Variants in HECTD3 observed in about 807,000 individuals in gnomAD.
HECTD3 encodes the protein E3 ubiquitin-protein ligase HECTD3.
Under a neutral mutation model 109.3 loss-of-function variants are expected in HECTD3, and 72 were observed. That is an observed-to-expected ratio of 0.66 (90% CI 0.54 to 0.80). HECTD3 has a LOEUF of 0.80. HECTD3 is among the 30% of genes least tolerant of loss of function. The pLI is 0.00. For missense variants in HECTD3, 1,041 were observed against 1,165.2 expected (o/e 0.89, Z 1.55); for synonymous variants, 481 against 471.8 (o/e 1.02, Z -0.25).
intron 2 of HECTD3, 56 bp downstream of exon 2, chr1:45,010,490 C>G: frequency 6.2e-7 from 1 of 1,604,694 alleles, no homozygotes; most frequent in South Asian, 1.1e-5. Flanking sequence ...GAAGTGTTCC[C>G]AAGCCCTCCT....
chr1:45,005,347 C>T, intron 15 of HECTD3: 1 of 198,482 alleles, frequency 5.0e-6, no homozygotes, highest in East Asian at 1.3e-4. Context: ...GTGTCCTCAA[C>T]CAGGCAGGGA....
chr1:45,004,038 CA>C (rs762016883), intron 18 of HECTD3, 21 bp downstream of exon 18: 2 of 1,613,964 alleles, frequency 1.2e-6, no homozygotes, highest in African/African-American at 2.7e-5. Context: ...ACCCAGGTGT[CA>C]CCCTGCCCTC....
In HECTD3 at chr1:45,008,296, G is replaced by C; in HGVS notation, c.1264C>G (p.Leu422Val). The change falls in exon 9 of 21, where the codon CTG (leucine) becomes GTG (valine). Residue 422 changes from leucine (L) to valine (V), a missense_variant. Physicochemically the swap from Leu to Val is conservative, Grantham distance 32. Coordinates refer to ENST00000372172, the MANE Select transcript of HECTD3 (RefSeq NM_024602.6). Reference sequence around the variant, plus strand: ...TCCCAGGCAGGTACCAGGTGGTGCAGGACACTATCGAGGATCTTGATGAAT... The same window carrying C: ...TCCCAGGCAGGTACCAGGTGGTGCACGACACTATCGAGGATCTTGATGAAT... Reference protein sequence around the residue: ...QRFIKILDSVLHHLVPAWDHT... With the variant: ...QRFIKILDSVVHHLVPAWDHT... 1 of 1,614,120 alleles carries C rather than the reference G, an allele frequency of 6.2e-7. No homozygotes were observed. Among genetic ancestry groups the C allele is most frequent in the East Asian group, 2.2e-5 (1 of 44,886 alleles).
rs1285994975 is a variant in HECTD3, at chr1:45,006,989, C to G, written c.1583G>C (p.Trp528Ser). 6.2e-7 allele frequency: 1 copy of G among 1,614,134 alleles called. No individual in the cohort carries two copies. The highest frequency in any genetic ancestry group is 1.1e-5 in the South Asian group (1 of 91,072). ...GCCTTCTGCAATAAATTTACACTCC[C>G]ACCACTGGTCATAGCGCATGGGCCA... ...YRWPMRYDQWWECKFIAEGII... is the reference protein window; with the variant it reads ...YRWPMRYDQWSECKFIAEGII... The change falls in exon 12 of 21, where the codon TGG becomes TCG. Residue 528 changes from tryptophan to serine, a missense_variant. Coordinates refer to ENST00000372172, the MANE Select transcript of HECTD3 (RefSeq NM_024602.6). The surrounding 1 kb of genome is among the most constrained non-coding windows in gnomAD (Gnocchi z 4.7).
At position 45,003,379 on chromosome 1, in the gene HECTD3, A is replaced by G. The variant is rs749677406; in HGVS notation, c.*113T>C. 1 of 884,608 alleles carries G rather than the reference A, an allele frequency of 1.1e-6. No homozygotes were observed. Among genetic ancestry groups the G allele is most frequent in the Non-Finnish European group, 1.8e-6 (1 of 548,368 alleles). 54.8% of individuals were successfully genotyped at this position (884,608 alleles called of 1,614,324 possible). On this transcript the variant is annotated 3_prime_UTR_variant, in exon 21 of 21. Transcript: ENST00000372172. This position sits in a 1 kb window ranked among gnomAD's most constrained non-coding sequence, Gnocchi z 4.7. ...CCAACTGCACACAGGAGCAGGGCAC[A>G]TGGGGTTTTGCTGAGCACGTCAGCC...
intron 8 of HECTD3, 104 bp from the exon 9 acceptor site, chr1:45,008,425 C>A: frequency 6.7e-7 from 1 of 1,497,856 alleles, no homozygotes; most frequent in Non-Finnish European, 9.3e-7. Flanking sequence ...GGGGGCTTCT[C>A]TGACCCTTGA....
At chr1:45,009,854 G>T (rs1023607369) in intron 4 of HECTD3, 132 bp downstream of exon 4, 4 of 1,217,748 alleles carry the variant, frequency 3.3e-6, no homozygotes, top group Non-Finnish European at 4.6e-6. Context: ...CGTCCAAGAT[G>T]GGGAGCTGAA....
At position 45,009,239 on chromosome 1, in the gene HECTD3, G is replaced by A. The variant is rs1644762407; in HGVS notation, c.990-13C>T. 6.2e-7 allele frequency: 1 copy of A among 1,606,934 alleles called. No homozygotes were observed. The highest frequency in any genetic ancestry group is 8.5e-7 in the Non-Finnish European group (1 of 1,173,412). On this transcript the variant is annotated splice_polypyrimidine_tract_variant and intron_variant, in intron 6 of 20. Transcript: ENST00000372172. ...CCCGATGAGGGTCCTGAGGAGATGA[G>A]TGTGAAGCACTTCAGATACCTCCTG...
Position 45,007,200 on chromosome 1 carries a change from C to G in HECTD3, c.1556+19G>C. 6.2e-7 allele frequency: 1 copy of G among 1,601,684 alleles called. No individual in the cohort carries two copies. The highest frequency in any genetic ancestry group is 1.1e-5 in the South Asian group (1 of 90,430). ...CACAAACAGGTGTCCCGAGTAAGTC[C>G]CTCACTCTCATGCCATACCTGTAGT... On this transcript the variant is annotated intron_variant, in intron 11 of 20. Transcript: ENST00000372172.
intron 9 of HECTD3, 98 bp downstream of exon 9, chr1:45,008,142 T>C (rs561771550): frequency 1.1e-6 from 1 of 912,068 alleles, no homozygotes; most frequent in South Asian, 1.6e-5. Flanking sequence ...AGCAAAGGTC[T>C]TGCCCTAGAG....
chr1:45,003,510 C>A lies in HECTD3; in HGVS notation c.2568G>T (p.Met856Ile), dbSNP rs557858954. The A allele has an allele frequency of 1.8e-5, 29 of 1,614,200 alleles. 1 individual carries two copies. The Admixed American group carries it at 2.3e-4, about 13-fold the overall frequency. Residue 856 changes from methionine to isoleucine, a missense_variant, in exon 21 of 21, where the codon ATG becomes ATT. Met to Ile is a conservative substitution (Grantham distance 10). Transcript: ENST00000372172. This position sits in a 1 kb window ranked among gnomAD's most constrained non-coding sequence, Gnocchi z 4.7. Reference sequence around the variant, plus strand: ...GCACGCCTCACTCCTCCCAAGGGCTCATGTCAGTGTCGATGGCCACGCAGT... The same window carrying A: ...GCACGCCTCACTCCTCCCAAGGGCTAATGTCAGTGTCGATGGCCACGCAGT... Reference protein sequence around the residue: ...AYNCVAIDTDMSPWEE With the variant: ...AYNCVAIDTDISPWEE
At chr1:45,004,490 G>A in intron 16 of HECTD3, 110 bp downstream of exon 16, 1 of 1,594,132 alleles carries the variant, frequency 6.3e-7, no homozygotes, top group South Asian at 1.1e-5. Context: ...AGGAATGGTG[G>A]GGGCCAGAGT....
Position 45,010,985 on chromosome 1 carries a change from G to A in HECTD3, c.273C>T (p.Ala91=). 1.3e-6 allele frequency: 2 copies of A among 1,488,188 alleles called. No homozygotes were observed. Among genetic ancestry groups the A allele is most frequent in the Non-Finnish European group, 1.8e-6 (2 of 1,133,104 alleles). The allele number at this position is 1,488,188 out of a possible 1,614,324, so 92.2% of individuals were successfully genotyped here. The change falls in exon 1 of 21, where the codon GCC becomes GCT. Residue 91 remains alanine, a synonymous_variant. Transcript: ENST00000372172. ...GCCGGAGCTCAATGCTGTCGCGGGC[G>A]GCGCGGAGGGGCCCGGAGCCGGTAC... is the stretch of plus-strand genomic sequence containing the variant. ...APGTGSGPLR[A]ARDSIELRRG...
At position 45,011,286 on chromosome 1, in the gene HECTD3, G is replaced by T; in HGVS notation, c.-29C>A. On this transcript the variant is annotated 5_prime_UTR_variant, in exon 1 of 21. Coordinates refer to ENST00000372172, the MANE Select transcript of HECTD3 (RefSeq NM_024602.6). ...GAAGTGGCGGAGGTGAGCACCTAGA[G>T]GCGACCCTGCCCGGGGAACAGCTGG... The T allele has an allele frequency of 7.4e-7, 1 of 1,352,546 alleles. No individual in the cohort carries two copies. Among genetic ancestry groups the T allele is most frequent in the Non-Finnish European group, 9.5e-7 (1 of 1,058,056 alleles). The allele number at this position is 1,352,546 out of a possible 1,614,324, so 83.8% of individuals were successfully genotyped here.
chr1:45,009,800 G>T, intron 4 of HECTD3, 117 bp from the exon 5 acceptor site: 1 of 1,063,184 alleles, frequency 9.4e-7, no homozygotes, highest in East Asian at 2.4e-5. Context: ...ACAGGCAACT[G>T]GTATGGGATA....
At position 45,008,471 on chromosome 1, in the gene HECTD3, A is replaced by ATC. The variant is rs1644755678; in HGVS notation, c.1238+64_1238+65insGA. ...CTATGAGACCTTGGGAACCTCCTCC[A>ATC]TGCAGACACACAAGGCTCAATGTTG... On this transcript the variant is annotated intron_variant, in intron 8 of 20. Coordinates refer to ENST00000372172, the MANE Select transcript of HECTD3 (RefSeq NM_024602.6). 1.2e-5 allele frequency: 19 copies of ATC among 1,568,110 alleles called. No individual in the cohort carries two copies. In the South Asian group the frequency reaches 2.1e-4, roughly 17 times the overall value.
rs180687450 is a variant in HECTD3, at chr1:45,009,327, T to C, written c.989+42A>G. 2.7e-4 allele frequency: 420 copies of C among 1,563,260 alleles called. 4 individuals carry two copies. In the East Asian group the frequency reaches 8.3e-3, roughly 31 times the overall value. ...CTTAGGCTTTCAAGCTGGGCTAGGC[T>C]TGGAACATGCCCTACTTCCCTCCCC... On this transcript the variant is annotated intron_variant, in intron 6 of 20. Transcript: ENST00000372172.
intron 10 of HECTD3, 50 bp from the exon 11 acceptor site, chr1:45,007,321 A>G (rs749849331): frequency 1.2e-6 from 2 of 1,603,640 alleles, no homozygotes; most frequent in South Asian, 1.1e-5. Context: ...CTGGCCCTAT[A>G]CTTGCCCCAA....
chr1:45,009,229 G>C lies in HECTD3; in HGVS notation c.990-3C>G, dbSNP rs1198485701. The stretch of plus-strand genomic sequence containing the variant: ...CACAGACATCCCCGATGAGGGTCCT[G>C]AGGAGATGAGTGTGAAGCACTTCAG... On this transcript the variant is annotated splice_region_variant and splice_polypyrimidine_tract_variant and intron_variant, in intron 6 of 20. Transcript: ENST00000372172. 6.2e-7 allele frequency: 1 copy of C among 1,612,124 alleles called. No individual in the cohort carries two copies. Among genetic ancestry groups the C allele is most frequent in the African/African-American group, 1.3e-5 (1 of 75,006 alleles).
Sources: gnomAD v4.1 joint callset for allele counts on GRCh38, gnomAD v4.1.1 for gene constraint, Gnocchi (gnomAD v3.1) non-coding constraint, MANE v1.5 for transcripts, NCBI Gene and HGNC (gene_info 2026-07-23, HGNC 2026-07-21) for gene names.